The following UBE2W variants were observed in gnomAD, a reference collection of about 807,000 sequenced individuals.
UBE2W encodes the protein ubiquitin conjugating enzyme E2 W, also known as ubiquitin-conjugating enzyme E2 W.
Under a neutral mutation model 27.2 loss-of-function variants are expected in UBE2W, and 18 were observed. The ratio of observed to expected loss-of-function variants is 0.66; its 90% confidence interval spans 0.46 to 0.98. The LOEUF is 0.98. Among genes scored for constraint, UBE2W ranks in the 50% least tolerant of loss-of-function variants. The pLI is 0.00. For synonymous variants in UBE2W, 53 were observed against 57.2 expected, an observed-to-expected ratio of 0.93 and a Z score of 0.33; for missense variants, 90 against 180.2, an observed-to-expected ratio of 0.50 and a Z score of 2.87.
intron 1 of UBE2W, among the ~76,000 whole-genome samples, chr8:73,846,265 TG>T (rs1385803975): frequency 1.3e-5 from 2 of 152,064 alleles, no homozygotes; most frequent in African/African-American, 2.4e-5. Context: ...GTGTTGTGAC[TG>T]ATGTCTGTAG....
rs548662126 is a variant in UBE2W at position 73,825,793 on chromosome 8, T to C, written c.108-544A>G. Among the ~76,000 whole-genome samples, 32 of 152,310 alleles carry C rather than the reference T, an allele frequency of 2.1e-4. 1 individual carries two copies. Among genetic ancestry groups the C allele is most frequent in the Middle Eastern group, 3.4e-3 (1 of 294 alleles). On this transcript the variant is annotated intron_variant, in intron 2 of 5. Coordinates refer to ENST00000602593, the MANE Select transcript of UBE2W (RefSeq NM_018299.6). ...TCCAGCCTGGGCTACAGGGCAAGAC[T>C]GTCTCAAAATAAACAAACAAACAGA...
intron 1 of UBE2W, among the ~76,000 whole-genome samples, chr8:73,855,994 CAT>C (rs1290045352): frequency 5.3e-5 from 8 of 152,254 alleles, no homozygotes; most frequent in Admixed American, 1.3e-4. Flanking sequence ...TAGTTTTATA[CAT>C]AGTTTATATT....
At chr8:73,864,750 T>TGGGGGG (rs71269956) in intron 1 of UBE2W, among the ~76,000 whole-genome samples, 12 of 88,604 alleles carry the variant, frequency 1.4e-4, no homozygotes, top group African/African-American at 7.2e-4. Context: ...CAAATTTTTT[T>TGGGGGG]GGGGGGGGGG....
At chr8:73,876,797 C>T (rs1039204043) in intron 1 of UBE2W, among the ~76,000 whole-genome samples, 2 of 152,022 alleles carry the variant, frequency 1.3e-5, no homozygotes, top group African/African-American at 4.8e-5. Context: ...GAAGAAACCC[C>T]GTCTCTACTG....
Position 73,786,763 on chromosome 8 carries a change from A to C in UBE2W, c.*7339T>G. Reference sequence around the variant, plus strand: ...GGTAAGGAGACTGGAGAGAAGGTAGAAATCTCAGAGACATTTTAAAGTTAC... The same window carrying C: ...GGTAAGGAGACTGGAGAGAAGGTAGCAATCTCAGAGACATTTTAAAGTTAC... On this transcript the variant is annotated 3_prime_UTR_variant, in exon 6 of 6. Transcript: ENST00000602593. 1 of 985,466 alleles carries C rather than the reference A, an allele frequency of 1.0e-6. No homozygotes were observed. The highest frequency in any genetic ancestry group is 1.2e-6 in the Non-Finnish European group (1 of 829,932). 61.0% of individuals were successfully genotyped at this position (985,466 alleles called of 1,614,324 possible).
At chr8:73,868,535 CT>C (rs1811870138) in intron 1 of UBE2W, among the ~76,000 whole-genome samples, 1 of 152,108 alleles carries the variant, frequency 6.6e-6, no homozygotes, top group African/African-American at 2.4e-5. Context: ...TTGTGGGAAC[CT>C]CCAATTTGTA....
At chr8:73,846,879 A>C (rs1810827554) in intron 1 of UBE2W, among the ~76,000 whole-genome samples, 1 of 152,210 alleles carries the variant, frequency 6.6e-6, no homozygotes, top group African/African-American at 2.4e-5. Flanking sequence ...CATTAACATA[A>C]AAAACTAACT....
chr8:73,863,578 TA>T (rs1230294140), intron 1 of UBE2W, among the ~76,000 whole-genome samples: 207 of 103,928 alleles, frequency 2.0e-3, no homozygotes, highest in African/African-American at 3.2e-3. Context: ...TAAAGTATAA[TA>T]AAAAAAAAAA....
At chr8:73,850,725 T>TAA (rs11318665) in intron 1 of UBE2W, among the ~76,000 whole-genome samples, 966 of 63,592 alleles carry the variant, frequency 0.015, 51 homozygotes, top group African/African-American at 0.042. Context: ...AGCAGGACAT[T>TAA]AAAAAAAAAA....
Position 73,790,499 on chromosome 8 carries a change from TAC to T in UBE2W, c.*3601_*3602del, listed in dbSNP as rs1219282093. 2.0e-6 allele frequency: 2 copies of T among 984,330 alleles called. No homozygotes were observed. Among genetic ancestry groups the T allele is most frequent in the Admixed American group, 6.2e-5 (1 of 16,258 alleles). The allele number at this position is 984,330 out of a possible 1,614,324, so 61.0% of individuals were successfully genotyped here. A position where few individuals can be genotyped will look rare whatever the true frequency, so the allele number is the denominator to read the frequency against. On this transcript the variant is annotated 3_prime_UTR_variant, in exon 6 of 6. Transcript: ENST00000602593. ...AGTTCTTTTTGAAAAGCAATTTACA[TAC>T]ACAATTACAAATAATTGTAAATTTT...
intron 3 of UBE2W, among the ~76,000 whole-genome samples, chr8:73,821,741 T>C (rs1300241926): frequency 6.6e-6 from 1 of 152,102 alleles, no homozygotes; most frequent in African/African-American, 2.4e-5. Context: ...CTCACACATG[T>C]AATCCCAGCA....
At chr8:73,832,166 G>T (rs561223412) in intron 1 of UBE2W, among the ~76,000 whole-genome samples, 1 of 143,010 alleles carries the variant, frequency 7.0e-6, no homozygotes, top group Non-Finnish European at 1.5e-5. Context: ...CCAGGTGTAG[G>T]GGCATGCACC....
intron 1 of UBE2W, among the ~76,000 whole-genome samples, chr8:73,865,169 T>G (rs1340872796): frequency 9.9e-6 from 1 of 100,856 alleles, no homozygotes; most frequent in Admixed American, 1.3e-4. Flanking sequence ...GCTCTTTAAG[T>G]GTGCAAACGT....
At chr8:73,871,012 A>G (rs1366112281) in intron 1 of UBE2W, among the ~76,000 whole-genome samples, 1 of 152,108 alleles carries the variant, frequency 6.6e-6, no homozygotes, top group Non-Finnish European at 1.5e-5. Flanking sequence ...TCTGAGGAAG[A>G]GAGGGAAGTC....
chr8:73,848,156 G>A (rs1810898912), intron 1 of UBE2W, among the ~76,000 whole-genome samples: 1 of 152,158 alleles, frequency 6.6e-6, no homozygotes, highest in Non-Finnish European at 1.5e-5. Flanking sequence ...AGCCAAGATC[G>A]TGCCATTGCG....
chr8:73,814,289 G>A (rs945477305), intron 3 of UBE2W, among the ~76,000 whole-genome samples: 1 of 152,134 alleles, frequency 6.6e-6, no homozygotes, highest in Non-Finnish European at 1.5e-5. Context: ...GACTAGAACC[G>A]ATGTGACAAA....
chr8:73,787,553 C>T lies in UBE2W; in HGVS notation c.*6549G>A. 1 of 985,394 alleles carries T rather than the reference C, an allele frequency of 1.0e-6. No homozygotes were observed. Among genetic ancestry groups the T allele is most frequent in the Non-Finnish European group, 1.2e-6 (1 of 829,926 alleles). The allele number at this position is 985,394 out of a possible 1,614,324, so 61.0% of individuals were successfully genotyped here. ...ATCGTTTTTATGGCAGAATGGCTGC[C>T]TCAATGAGGACTAAGGTGCTCCTGG... is the stretch of plus-strand genomic sequence containing the variant. On this transcript the variant is annotated 3_prime_UTR_variant, in exon 6 of 6. Coordinates refer to ENST00000602593, the MANE Select transcript of UBE2W (RefSeq NM_018299.6).
chr8:73,855,602 C>T (rs561916352), intron 1 of UBE2W, among the ~76,000 whole-genome samples: 67 of 151,854 alleles, frequency 4.4e-4, no homozygotes, highest in African/African-American at 1.4e-3. Context: ...CATGGAGTTT[C>T]ACCATGTTGA....
At chr8:73,836,860 T>C (rs190950200) in intron 1 of UBE2W, among the ~76,000 whole-genome samples, 1 of 152,324 alleles carries the variant, frequency 6.6e-6, no homozygotes, top group African/African-American at 2.4e-5. Context: ...AAATGGCAGC[T>C]ACAGATTGAG....
Sources: gnomAD v4.1 joint callset for allele counts (sites outside exome capture counted in the v4.1 genomes callset) on GRCh38, gnomAD v4.1.1 for gene constraint, MANE v1.5 for transcripts, NCBI Gene and HGNC (gene_info 2026-07-23, HGNC 2026-07-21) for gene names.